ALG9: variants seen among roughly 807,000 people sequenced by gnomAD.
The protein encoded by ALG9 is ALG9 alpha-1,2-mannosyltransferase.
A neutral mutation model predicts 81.8 loss-of-function variants in ALG9; 55 were observed. The observed-to-expected ratio is 0.67, with a 90% confidence interval of 0.54 to 0.84. The LOEUF (loss-of-function observed/expected upper bound fraction) is 0.84. Among genes scored for constraint, ALG9 ranks in the 40% least tolerant of loss-of-function variants. ALG9 has a pLI of 0.00. For missense variants in ALG9, 629 were observed against 745.0 expected (o/e 0.84, Z 1.81); for synonymous variants, 278 against 274.3 (o/e 1.01, Z -0.13).
intron 13 of ALG9, among the ~76,000 whole-genome samples, chr11:111,833,133 GT>G: frequency 6.6e-6 from 1 of 152,120 alleles, no homozygotes; most frequent in Non-Finnish European, 1.5e-5. Context: ...CTGAAGAGCT[GT>G]TTTTTCCTCC....
At chr11:111,817,299 A>C (rs1555098432) in intron 13 of ALG9, 1 of 152,238 alleles carries the variant, frequency 6.6e-6, no homozygotes, top group Non-Finnish European at 1.5e-5. Context: ...TTGGAGGAAA[A>C]AGCTGAAGTA....
At chr11:111,846,510 C>G (rs982156060) in intron 8 of ALG9, among the ~76,000 whole-genome samples, 1 of 152,144 alleles carries the variant, frequency 6.6e-6, no homozygotes, top group African/African-American at 2.4e-5. Flanking sequence ...GTATACTGTA[C>G]TCTGAGATGA....
intron 9 of ALG9, among the ~76,000 whole-genome samples, chr11:111,843,466 A>ACG (rs1956522920): frequency 6.6e-6 from 1 of 152,218 alleles, no homozygotes; most frequent in Non-Finnish European, 1.5e-5. Flanking sequence ...ACGTTGAAAC[A>ACG]AAAGTCCTAA....
chr11:111,776,658 ACAGTC>A, the ALG9 span, among the ~76,000 whole-genome samples: 1 of 152,284 alleles, frequency 6.6e-6, no homozygotes, highest in East Asian at 1.9e-4. Flanking sequence ...TAAAACCAGT[ACAGTC>A]CCACATATTT....
At chr11:111,858,156 C>T (rs1959009024) in intron 5 of ALG9, among the ~76,000 whole-genome samples, 2 of 152,064 alleles carry the variant, frequency 1.3e-5, no homozygotes, top group African/African-American at 4.8e-5. Context: ...AGGCTGGTCT[C>T]GAGCTCTTGA....
At chr11:111,796,273 T>C (rs1027972346) in intron 14 of ALG9, among the ~76,000 whole-genome samples, 12 of 152,046 alleles carry the variant, frequency 7.9e-5, no homozygotes, top group South Asian at 2.1e-4. Context: ...GTGCTAGGAG[T>C]TGTAGAGAAT....
rs369189799 is a variant in ALG9 at position 111,868,958 on chromosome 11, C to CA, written c.271-223dup. Among the ~76,000 whole-genome samples the CA allele has an allele frequency of 0.014, 1,883 of 139,356 alleles. 36 individuals carry two copies. The highest frequency in any genetic ancestry group is 0.044 in the African/African-American group (1,675 of 38,194). 91.4% of individuals were successfully genotyped at this position (139,356 alleles called of 152,430 possible). A position where few individuals can be genotyped will look rare whatever the true frequency, so the allele number is the denominator to read the frequency against. On this transcript the variant is annotated intron_variant, in intron 2 of 14. Transcript: ENST00000616540. ...CAACATAGCAAAACCCCATCTCTAC[C>CA]AAAAAAAAAAAAAAGTAGCATGGTA...
At chr11:111,853,254 A>G in intron 8 of ALG9, 126 bp downstream of exon 8, 1 of 743,000 alleles carries the variant, frequency 1.3e-6, no homozygotes, top group Non-Finnish European at 2.4e-6. Flanking sequence ...TCATTTTTAA[A>G]TAGGAAAAGA....
At chr11:111,868,532 T>A (rs1221632672) in intron 3 of ALG9, 70 bp downstream of exon 3, 2 of 1,541,022 alleles carry the variant, frequency 1.3e-6, no homozygotes, top group Non-Finnish European at 1.8e-6. Flanking sequence ...ATTTTGTCCT[T>A]TTCTCAAAAC....
At chr11:111,803,152 T>C (rs529476257) in intron 14 of ALG9, among the ~76,000 whole-genome samples, 1 of 152,334 alleles carries the variant, frequency 6.6e-6, no homozygotes, top group Non-Finnish European at 1.5e-5. Flanking sequence ...GACAAACTGA[T>C]TCTAAAGTTT....
intron 14 of ALG9, among the ~76,000 whole-genome samples, chr11:111,808,344 C>T (rs1950226337): frequency 6.6e-6 from 1 of 152,172 alleles, no homozygotes; most frequent in South Asian, 2.1e-4. Flanking sequence ...CAATGACCTG[C>T]CTGGGCACCT....
chr11:111,829,130 C>T (rs1565913598), intron 13 of ALG9: 1 of 152,130 alleles, frequency 6.6e-6, no homozygotes, highest in Admixed American at 6.6e-5. Context: ...GAGATCATAA[C>T]CACATCATCT....
intron 14 of ALG9, among the ~76,000 whole-genome samples, chr11:111,791,385 C>T (rs3867465): frequency 0.27 from 41,108 of 152,124 alleles, 6,681 homozygotes; most frequent in East Asian, 0.59. Context: ...AGTGTATAAG[C>T]AGCATTTAAT....
rs782639398 is a variant in ALG9, at chr11:111,836,259, C to A, written c.1508G>T (p.Gly503Val). ...QLQFIPSEFRGQLPKPFAEGP... is the reference protein window; with the variant it reads ...QLQFIPSEFRVQLPKPFAEGP... ...TTCTGCAAAAGGTTTTGGTAACTGA[C>A]CTCTGAACTCTGATGGAATGAACTG... The change falls in exon 13 of 15, where the codon GGT (glycine) becomes GTT (valine). Residue 503 changes from glycine to valine, a missense_variant. Transcript: ENST00000616540. The A allele has an allele frequency of 1.2e-6, 2 of 1,614,046 alleles. No individual in the cohort carries two copies. Among genetic ancestry groups the A allele is most frequent in the Admixed American group, 1.7e-5 (1 of 60,010 alleles).
intron 11 of ALG9, 115 bp from the exon 12 acceptor site, chr11:111,837,730 G>T: frequency 8.6e-7 from 1 of 1,167,164 alleles, no homozygotes; most frequent in Non-Finnish European, 1.2e-6. Flanking sequence ...AAGGCAGGAA[G>T]GGCCATAGCC....
rs782340438 is a variant in ALG9, at chr11:111,809,732, G to C, written c.1644C>G (p.Thr548=). ...SKCHYLVDLD[T]MRETPREPKY... ...TTGGCTCCCGGGGTGTTTCTCTCAT[G>C]GTGTCCAAATCCACTAAATAATGGC... The change falls in exon 14 of 15, where the codon ACC becomes ACG. Residue 548 remains threonine (T), a synonymous_variant. Coordinates refer to ENST00000616540, the MANE Select transcript of ALG9 (RefSeq NM_024740.2). 22 of 1,613,860 alleles carry C rather than the reference G, an allele frequency of 1.4e-5. No homozygotes were observed. In the East Asian group the frequency reaches 2.9e-4, roughly 21 times the overall value.
chr11:111,822,399 A>G (rs1555104827), intron 13 of ALG9, among the ~76,000 whole-genome samples: 2 of 87,842 alleles, frequency 2.3e-5, no homozygotes, highest in African/African-American at 9.7e-5. Flanking sequence ...ACAAAGCACA[A>G]CTCAGTCTCA....
intron 13 of ALG9, among the ~76,000 whole-genome samples, chr11:111,822,166 G>A (rs1382693922): frequency 1.3e-5 from 2 of 152,182 alleles, no homozygotes; most frequent in Non-Finnish European, 2.9e-5. Flanking sequence ...TAGCACTTTG[G>A]GAGGCCAAGG....
chr11:111,770,729 G>T, the ALG9 span, among the ~76,000 whole-genome samples: 14 of 152,062 alleles, frequency 9.2e-5, no homozygotes, highest in Non-Finnish European at 1.9e-4. Flanking sequence ...AAAAAGGATT[G>T]TCCCTCTTTT....
Sources: gnomAD v4.1 joint callset for allele counts (sites outside exome capture counted in the v4.1 genomes callset) on GRCh38, gnomAD v4.1.1 for gene constraint, MANE v1.5 for transcripts, NCBI Gene and HGNC (gene_info 2026-07-23, HGNC 2026-07-21) for gene names.